Variants in NOL4 observed in about 807,000 individuals in gnomAD.
NOL4 encodes the protein nucleolar protein 4, also known as cancer/testis antigen 125.
A neutral mutation model predicts 75.9 loss-of-function variants in NOL4; 17 were observed. That is an observed-to-expected ratio of 0.22 (90% CI 0.15 to 0.34). NOL4 has a LOEUF of 0.34. Ranked by LOEUF, NOL4 falls within the 10% of genes least tolerant of loss-of-function variation. The probability of loss-of-function intolerance (pLI) is 1.00; values close to 1 mark genes in which losing one functional copy is unlikely to be tolerated. For synonymous variants in NOL4, 292 were observed against 289.9 expected, an observed-to-expected ratio of 1.01 and a Z score of -0.07; for missense variants, 614 against 793.5, an observed-to-expected ratio of 0.77 and a Z score of 2.72.
In NOL4 at chr18:33,986,191, A is replaced by G. The variant is rs140615190; in HGVS notation, c.1057-27773T>C. Among the ~76,000 whole-genome samples the G allele has an allele frequency of 1.7e-3, 266 of 152,248 alleles. 1 individual carries two copies. The highest frequency in any genetic ancestry group is 5.2e-3 in the African/African-American group (217 of 41,562). On this transcript the variant is annotated intron_variant, in intron 6 of 10. Transcript: ENST00000261592. The stretch of plus-strand genomic sequence containing the variant: ...CTCTTATATTTATGAATTTGAAAGT[A>G]ATATTTGTTAAAAACTGTAATTGTG...
chr18:33,858,104 C>T (rs1279458854), intron 10 of NOL4, among the ~76,000 whole-genome samples: 1 of 152,056 alleles, frequency 6.6e-6, no homozygotes, highest in Non-Finnish European at 1.5e-5. Context: ...TGTTAATTGA[C>T]TATTCATATT....
intron 9 of NOL4, among the ~76,000 whole-genome samples, chr18:33,903,851 G>A (rs966640221): frequency 1.3e-5 from 2 of 152,038 alleles, no homozygotes; most frequent in Non-Finnish European, 2.9e-5. Flanking sequence ...ATTTTGCACT[G>A]CAAACATACT....
At chr18:34,069,796 A>T (rs1171433584) in intron 5 of NOL4, among the ~76,000 whole-genome samples, 1 of 152,200 alleles carries the variant, frequency 6.6e-6, no homozygotes, top group East Asian at 1.9e-4. Context: ...ATCTCTAGCA[A>T]CCATTTCACA....
In NOL4 at chr18:34,223,146, G is replaced by A. The variant is rs1382802235; in HGVS notation, c.108C>T (p.Ile36=). 3.1e-6 allele frequency: 5 copies of A among 1,614,180 alleles called. No homozygotes were observed. The highest frequency in any genetic ancestry group is 3.4e-6 in the Non-Finnish European group (4 of 1,180,038). ...KTVTRKKYER[I]VQLLNGSESS... ...ACTCGGAGCCATTGAGGAGCTGGAC[G>A]ATCCGTTCGTATTTTTTACGGGTCA... Residue 36 remains isoleucine, a synonymous_variant, in exon 1 of 11, where the codon ATC becomes ATT. Transcript: ENST00000261592.
At chr18:33,855,827 TTTC>T (rs2062813039) in intron 10 of NOL4, among the ~76,000 whole-genome samples, 1 of 64,032 alleles carries the variant, frequency 1.6e-5, no homozygotes, top group Non-Finnish European at 3.6e-5. Flanking sequence ...TCATTTTCTT[TTTC>T]TTCATTTTCT....
chr18:34,009,175 T>C (rs2074232193), intron 6 of NOL4, among the ~76,000 whole-genome samples: 1 of 151,810 alleles, frequency 6.6e-6, no homozygotes, highest in African/African-American at 2.4e-5. Context: ...GGAGCAGAGA[T>C]AAGACATCCT....
chr18:33,853,655 T>G (rs374696393), intron 10 of NOL4, among the ~76,000 whole-genome samples: 42 of 152,082 alleles, frequency 2.8e-4, no homozygotes, highest in African/African-American at 1.0e-3. Flanking sequence ...GTATTAAAAG[T>G]GTTGACATAT....
chr18:34,148,659 G>C (rs1375130919), intron 1 of NOL4, among the ~76,000 whole-genome samples: 3 of 152,118 alleles, frequency 2.0e-5, no homozygotes, highest in Admixed American at 2.0e-4. Flanking sequence ...TAGAATAAGT[G>C]AGACGTGGTG....
intron 5 of NOL4, among the ~76,000 whole-genome samples, chr18:34,074,297 A>C (rs2077652392): frequency 6.6e-6 from 1 of 151,742 alleles, no homozygotes; most frequent in Non-Finnish European, 1.5e-5. Context: ...TAACAATGAT[A>C]TAAGCTCATT....
chr18:34,156,451 T>C (rs994722949), intron 1 of NOL4, among the ~76,000 whole-genome samples: 1 of 152,114 alleles, frequency 6.6e-6, no homozygotes, highest in African/African-American at 2.4e-5. Context: ...GTTCTCTACC[T>C]TCTCCTTGTC....
chr18:33,860,642 T>G (rs1482936494), intron 10 of NOL4, among the ~76,000 whole-genome samples: 1 of 151,986 alleles, frequency 6.6e-6, no homozygotes, highest in Non-Finnish European at 1.5e-5. Context: ...TCCTGCCTAA[T>G]TGCCCTGGCC....
intron 1 of NOL4, among the ~76,000 whole-genome samples, chr18:34,131,527 T>C (rs1359475992): frequency 6.6e-6 from 1 of 151,960 alleles, no homozygotes; most frequent in Non-Finnish European, 1.5e-5. Flanking sequence ...AAACCACCCA[T>C]AAAACTTTGT....
intron 1 of NOL4, among the ~76,000 whole-genome samples, chr18:34,180,517 A>G (rs2033945917): frequency 6.6e-6 from 1 of 151,598 alleles, no homozygotes; most frequent in African/African-American, 2.4e-5. Context: ...AAAACCAACA[A>G]GTAACATTAA....
At chr18:33,947,518 C>T (rs1372975344) in intron 8 of NOL4, among the ~76,000 whole-genome samples, 2 of 151,794 alleles carry the variant, frequency 1.3e-5, no homozygotes, top group Non-Finnish European at 2.9e-5. Context: ...AATAACACCT[C>T]CTGTGGCTGA....
intron 5 of NOL4, among the ~76,000 whole-genome samples, chr18:34,039,498 T>C (rs2144777381): frequency 6.6e-6 from 1 of 152,160 alleles, no homozygotes; most frequent in South Asian, 2.1e-4. Flanking sequence ...AGCAAGTCTT[T>C]ATTTGGCTTA....
chr18:34,212,350 G>C (rs1468947554), intron 1 of NOL4, among the ~76,000 whole-genome samples: 1 of 152,144 alleles, frequency 6.6e-6, no homozygotes, highest in African/African-American at 2.4e-5. Flanking sequence ...TAAGGTATTA[G>C]AGAAAAAGAA....
chr18:33,851,197 A>G lies in NOL4; in HGVS notation c.*1645T>C, dbSNP rs2144069560. The G allele has an allele frequency of 6.5e-6, 1 of 152,682 alleles. No individual in the cohort carries two copies. The highest frequency in any genetic ancestry group is 1.9e-4 in the East Asian group (1 of 5,180). 9.5% of individuals were successfully genotyped at this position (152,682 alleles called of 1,614,324 possible). ...ATTTTCATTTAAATAAGCAAACTCT[A>G]AATCCACATCTTAAAAGATGTTTGT... On this transcript the variant is annotated 3_prime_UTR_variant, in exon 11 of 11. Coordinates refer to ENST00000261592, the MANE Select transcript of NOL4 (RefSeq NM_003787.5).
chr18:34,094,952 T>A (rs916452781), intron 4 of NOL4, among the ~76,000 whole-genome samples: 2 of 152,162 alleles, frequency 1.3e-5, no homozygotes, highest in Non-Finnish European at 2.9e-5. Flanking sequence ...CCTGGTTTCA[T>A]AAATGACATC....
intron 2 of NOL4, 25 bp downstream of exon 2, chr18:34,129,846 C>T: frequency 7.4e-7 from 1 of 1,350,506 alleles, no homozygotes. Flanking sequence ...AATGCATGCT[C>T]TTTTTTTTTT....
Sources: gnomAD v4.1 joint callset for allele counts (sites outside exome capture counted in the v4.1 genomes callset) on GRCh38, gnomAD v4.1.1 for gene constraint, MANE v1.5 for transcripts, NCBI Gene and HGNC (gene_info 2026-07-23, HGNC 2026-07-21) for gene names.